Variants in CSNK2A2IP observed in about 807,000 individuals in gnomAD.
The protein encoded by CSNK2A2IP is casein kinase II subunit alpha'-interacting protein.
the CSNK2A2IP span, among the ~76,000 whole-genome samples, chr3:88,357,889 A>T: frequency 1.3e-4 from 20 of 150,710 alleles, 1 homozygote; most frequent in Admixed American, 8.6e-4. Context: ...CAAGTAGCTA[A>T]TTTTTTTTTG....
At chr3:88,371,506 A>T in the CSNK2A2IP span, among the ~76,000 whole-genome samples, 3 of 151,742 alleles carry the variant, frequency 2.0e-5, no homozygotes, top group African/African-American at 7.2e-5. Flanking sequence ...TCCAACACAA[A>T]GGGCAGAAAT....
At chr3:88,411,953 G>T in the CSNK2A2IP span, among the ~76,000 whole-genome samples, 2 of 151,542 alleles carry the variant, frequency 1.3e-5, no homozygotes, top group South Asian at 4.1e-4. Flanking sequence ...GTGCTGACTA[G>T]AAAGTTTGAA....
At chr3:88,462,634 A>T in the CSNK2A2IP span, among the ~76,000 whole-genome samples, 6 of 152,218 alleles carry the variant, frequency 3.9e-5, no homozygotes, top group Non-Finnish European at 5.9e-5. Flanking sequence ...AAGTGATCAA[A>T]TCAACAGGTC....
the CSNK2A2IP span, among the ~76,000 whole-genome samples, chr3:88,432,411 A>G: frequency 6.6e-6 from 1 of 151,888 alleles, no homozygotes; most frequent in African/African-American, 2.4e-5. Flanking sequence ...TATGGCATAA[A>G]GTATCTAATG....
chr3:88,429,573 G>T, the CSNK2A2IP span, among the ~76,000 whole-genome samples: 1 of 74,738 alleles, frequency 1.3e-5, no homozygotes, highest in South Asian at 5.1e-4. Context: ...TAAATAGCTG[G>T]CTCTCTGAAC....
chr3:88,371,106 G>T, the CSNK2A2IP span, among the ~76,000 whole-genome samples: 1 of 151,688 alleles, frequency 6.6e-6, no homozygotes, highest in South Asian at 2.1e-4. Context: ...CTGAGCAAAT[G>T]GTCATGACAA....
At chr3:88,354,295 G>A in the CSNK2A2IP span, among the ~76,000 whole-genome samples, 1 of 152,202 alleles carries the variant, frequency 6.6e-6, no homozygotes, top group Non-Finnish European at 1.5e-5. Context: ...ATATGGGTAA[G>A]AGTGCTATTA....
chr3:88,379,091 G>A, the CSNK2A2IP span, among the ~76,000 whole-genome samples: 1 of 151,112 alleles, frequency 6.6e-6, no homozygotes, highest in Non-Finnish European at 1.5e-5. Context: ...TTTTGTTAAT[G>A]ATCTTCGCTC....
chr3:88,344,135 C>G, the CSNK2A2IP span, among the ~76,000 whole-genome samples: 1 of 151,914 alleles, frequency 6.6e-6, no homozygotes, highest in African/African-American at 2.4e-5. Context: ...TCCCATTCTA[C>G]TTAAAGATAT....
chr3:88,346,782 C>T, the CSNK2A2IP span, among the ~76,000 whole-genome samples: 1 of 151,408 alleles, frequency 6.6e-6, no homozygotes, highest in Admixed American at 6.6e-5. Context: ...GTTGTTAAGC[C>T]TGCTTACACA....
the CSNK2A2IP span, among the ~76,000 whole-genome samples, chr3:88,388,231 C>T: frequency 3.2e-4 from 49 of 152,276 alleles, no homozygotes; most frequent in African/African-American, 1.1e-3. Flanking sequence ...CACACAAAAA[C>T]ACTCACATAC....
At chr3:88,374,598 A>T in the CSNK2A2IP span, among the ~76,000 whole-genome samples, 1 of 151,708 alleles carries the variant, frequency 6.6e-6, no homozygotes, top group African/African-American at 2.4e-5. Flanking sequence ...AATTGTAAAA[A>T]CAGCATATCA....
the CSNK2A2IP span, among the ~76,000 whole-genome samples, chr3:88,344,081 T>C: frequency 3.9e-5 from 6 of 151,934 alleles, no homozygotes; most frequent in South Asian, 2.1e-4. Context: ...TGGTAGAATT[T>C]TAGTAGATGC....
At chr3:88,417,025 A>G in the CSNK2A2IP span, among the ~76,000 whole-genome samples, 1 of 151,522 alleles carries the variant, frequency 6.6e-6, no homozygotes, top group Non-Finnish European at 1.5e-5. Context: ...TTTTTATCAA[A>G]TAAATATTTT....
At chr3:88,346,917 T>A in the CSNK2A2IP span, among the ~76,000 whole-genome samples, 9 of 152,016 alleles carry the variant, frequency 5.9e-5, 1 homozygote, top group Non-Finnish European at 1.3e-4. Context: ...ATTAAAAACC[T>A]TTTTGAAAGG....
chr3:88,415,831 G>A, the CSNK2A2IP span, among the ~76,000 whole-genome samples: 1 of 151,972 alleles, frequency 6.6e-6, no homozygotes, highest in South Asian at 2.1e-4. Context: ...AACCTGAAGA[G>A]AATCATTTTG....
the CSNK2A2IP span, among the ~76,000 whole-genome samples, chr3:88,395,644 A>C: frequency 2.7e-3 from 416 of 152,320 alleles, 5 homozygotes; most frequent in African/African-American, 9.3e-3. Context: ...TACAAAGAAA[A>C]GCTTGCTGGA....
chr3:88,350,992 AT>A, the CSNK2A2IP span, among the ~76,000 whole-genome samples: 2 of 152,166 alleles, frequency 1.3e-5, no homozygotes, highest in African/African-American at 4.8e-5. Context: ...AGAAAATGTA[AT>A]TTGAAACTTT....
the CSNK2A2IP span, among the ~76,000 whole-genome samples, chr3:88,458,153 T>TTTTGTTTTTTG: frequency 7.3e-6 from 1 of 136,224 alleles, no homozygotes; most frequent in African/African-American, 2.8e-5. Flanking sequence ...TTTTTTTTTT[T>TTTTGTTTTTTG]TTTTTTTTTT....
Sources: allele counts gnomAD v4.1 joint callset (sites outside exome capture counted in the v4.1 genomes callset), GRCh38; gene constraint gnomAD v4.1.1; transcripts MANE v1.5; gene names NCBI Gene and HGNC (gene_info 2026-07-23, HGNC 2026-07-21).